GMDS: variants seen among roughly 807,000 people sequenced by gnomAD.
The protein encoded by GMDS is GDP-mannose 4,6 dehydratase.
GMDS carries 20 observed loss-of-function variants against 49.9 expected under a neutral mutation model. That is an observed-to-expected ratio of 0.40 (90% CI 0.28 to 0.58). The LOEUF (loss-of-function observed/expected upper bound fraction) is 0.58. Ranked by LOEUF, GMDS falls within the 20% of genes least tolerant of loss-of-function variation. The pLI, the probability that GMDS is intolerant of heterozygous loss-of-function variation, is 0.42. For missense variants in GMDS, 362 were observed against 481.4 expected (o/e 0.75, Z 2.32); for synonymous variants, 177 against 178.6 (o/e 0.99, Z 0.07).
rs78037774 is a variant in GMDS at position 1,975,734 on chromosome 6, T to C, written c.346-14768A>G. On this transcript the variant is annotated intron_variant, in intron 4 of 10. Coordinates refer to ENST00000380815, the MANE Select transcript of GMDS (RefSeq NM_001500.4). ...GGGAAGAACATTCAAATTGGACCAT[T>C]TGAAGACAATGCATTTCAAACAGGA... Among the ~76,000 whole-genome samples the C allele has an allele frequency of 6.2e-3, 938 of 152,292 alleles. 10 individuals are homozygous for C. Among genetic ancestry groups the C allele is most frequent in the African/African-American group, 0.021 (877 of 41,564 alleles).
intron 1 of GMDS, among the ~76,000 whole-genome samples, chr6:2,213,448 G>C (rs1475518429): frequency 1.3e-5 from 2 of 152,158 alleles, no homozygotes; most frequent in Non-Finnish European, 2.9e-5. Flanking sequence ...AGCAGTTGTA[G>C]GAATTAAATG....
rs1202828888 is a variant in GMDS, at chr6:1,932,191, G to A, written c.644-1961C>T. 5.3e-5 allele frequency among the ~76,000 whole-genome samples: 8 copies of A among 152,194 alleles called. No homozygotes were observed. In the East Asian group the frequency reaches 1.5e-3, roughly 29 times the overall value. ...AACGGCACTTGCAAAGATGAGGAAG[G>A]GCCTTTCTCTTCCAACTCTTACCAC... On this transcript the variant is annotated intron_variant, in intron 6 of 10. Transcript: ENST00000380815.
At chr6:1,939,674 A>G (rs967852406) in intron 6 of GMDS, among the ~76,000 whole-genome samples, 10 of 151,994 alleles carry the variant, frequency 6.6e-5, no homozygotes, top group African/African-American at 2.4e-4. Context: ...TAACATCTCT[A>G]TCTTCTATAA....
At chr6:2,082,501 C>T (rs1772773174) in intron 4 of GMDS, among the ~76,000 whole-genome samples, 1 of 152,180 alleles carries the variant, frequency 6.6e-6, no homozygotes, top group Admixed American at 6.5e-5. Context: ...CTCCATGTTA[C>T]AATGAGGATT....
intron 9 of GMDS, among the ~76,000 whole-genome samples, chr6:1,654,502 G>A (rs1763810169): frequency 1.3e-5 from 2 of 152,178 alleles, no homozygotes; most frequent in Admixed American, 6.5e-5. Flanking sequence ...AGTGAAATAA[G>A]CCCATTATGA....
intron 4 of GMDS, among the ~76,000 whole-genome samples, chr6:2,095,848 G>A (rs535487667): frequency 7.9e-5 from 12 of 152,228 alleles, no homozygotes; most frequent in Admixed American, 1.3e-4. Flanking sequence ...TCCACCAATT[G>A]TGGAAAGTAT....
intron 1 of GMDS, among the ~76,000 whole-genome samples, chr6:2,209,867 C>A (rs1779988272): frequency 6.6e-6 from 1 of 151,998 alleles, no homozygotes; most frequent in Non-Finnish European, 1.5e-5. Context: ...CTAACAGAGC[C>A]CAGCTCACAC....
At chr6:1,946,393 G>C (rs2085804732) in intron 6 of GMDS, among the ~76,000 whole-genome samples, 2 of 152,150 alleles carry the variant, frequency 1.3e-5, no homozygotes, top group South Asian at 4.1e-4. Context: ...CACCTTACCT[G>C]TAAAATGGAT....
At chr6:1,977,573 G>A (rs893064996) in intron 4 of GMDS, among the ~76,000 whole-genome samples, 10 of 152,286 alleles carry the variant, frequency 6.6e-5, no homozygotes, top group South Asian at 4.2e-4. Context: ...CTAGGTTATC[G>A]CATTGGAACG....
At chr6:1,935,297 T>C (rs746310257) in intron 6 of GMDS, among the ~76,000 whole-genome samples, 8 of 152,100 alleles carry the variant, frequency 5.3e-5, no homozygotes, top group Non-Finnish European at 8.8e-5. Flanking sequence ...CTAATGTAGG[T>C]TAAATGGCAT....
intron 1 of GMDS, among the ~76,000 whole-genome samples, chr6:2,202,479 T>C (rs1269167102): frequency 6.6e-6 from 1 of 151,688 alleles, no homozygotes; most frequent in African/African-American, 2.4e-5. Context: ...GACATTGATA[T>C]GCTTACATGT....
intron 4 of GMDS, among the ~76,000 whole-genome samples, chr6:1,961,943 T>G (rs990407008): frequency 1.3e-5 from 2 of 152,214 alleles, no homozygotes; most frequent in Non-Finnish European, 2.9e-5. Flanking sequence ...CTCATGTCAT[T>G]TAGGCCTGTG....
chr6:1,761,322 T>C (rs2113551439), intron 7 of GMDS, among the ~76,000 whole-genome samples: 1 of 152,360 alleles, frequency 6.6e-6, no homozygotes, highest in Middle Eastern at 3.4e-3. Flanking sequence ...ATTTAACTTA[T>C]CGAGTATTTG....
At chr6:1,743,539 T>C (rs1162423290) in intron 7 of GMDS, among the ~76,000 whole-genome samples, 2 of 95,348 alleles carry the variant, frequency 2.1e-5, no homozygotes, top group Non-Finnish European at 4.4e-5. Context: ...CCAGACTCCA[T>C]CTCAAAAAAA....
chr6:2,040,726 C>CCTTCTCCT (rs746843956), intron 4 of GMDS, among the ~76,000 whole-genome samples: 4 of 152,126 alleles, frequency 2.6e-5, no homozygotes, highest in Non-Finnish European at 4.4e-5. Context: ...GTCACTCTCA[C>CCTTCTCCT]CTTCTCCTCA....
chr6:1,638,467 A>G lies in GMDS; in HGVS notation c.988-13927T>C, dbSNP rs1763231430. Among the ~76,000 whole-genome samples the G allele has an allele frequency of 2.6e-5, 4 of 152,078 alleles. No individual in the cohort carries two copies. In the South Asian group the frequency reaches 8.3e-4, roughly 32 times the overall value. ...AACTTTATACTTATGAGCAGCTTAA[A>G]CACAGGCCACTGGCTGTGTGCCCAT... is the stretch of plus-strand genomic sequence containing the variant. On this transcript the variant is annotated intron_variant, in intron 9 of 10. Transcript: ENST00000380815.
At chr6:2,221,959 CAAAGGGCCGT>C (rs372733376) in intron 1 of GMDS, among the ~76,000 whole-genome samples, 31 of 151,918 alleles carry the variant, frequency 2.0e-4, no homozygotes, top group African/African-American at 6.7e-4. Flanking sequence ...AAATGAAAGT[CAAAGGGCCGT>C]AAAGAAACAG....
At chr6:1,971,246 G>A (rs888067253) in intron 4 of GMDS, among the ~76,000 whole-genome samples, 2 of 152,066 alleles carry the variant, frequency 1.3e-5, no homozygotes, top group African/African-American at 4.8e-5. Context: ...CTTTATCTGG[G>A]CCCTTTCACC....
chr6:1,813,149 G>C (rs1770512385), intron 7 of GMDS, among the ~76,000 whole-genome samples: 1 of 145,894 alleles, frequency 6.9e-6, no homozygotes, highest in South Asian at 2.1e-4. Flanking sequence ...TTGAGCCTAG[G>C]AGTTCAAGGC....
Sources: gnomAD v4.1 joint callset for allele counts (sites outside exome capture counted in the v4.1 genomes callset) on GRCh38, gnomAD v4.1.1 for gene constraint, MANE v1.5 for transcripts, NCBI Gene and HGNC (gene_info 2026-07-23, HGNC 2026-07-21) for gene names.